PAK3: variants seen among roughly 807,000 people sequenced by gnomAD.
PAK3 encodes serine/threonine-protein kinase PAK 3.
Under a neutral mutation model 41.0 loss-of-function variants are expected in PAK3, and 4 were observed. The observed-to-expected ratio is 0.10, with a 90% CI of 0.05 to 0.22. The LOEUF (loss-of-function observed/expected upper bound fraction) is 0.22. Ranked by LOEUF, PAK3 falls within the 10% of genes least tolerant of loss-of-function variation. The probability of loss-of-function intolerance (pLI) is 1.00; values close to 1 mark genes in which losing one functional copy is unlikely to be tolerated. For synonymous variants in PAK3, 146 were observed against 139.6 expected (o/e 1.05, Z -0.32); for missense variants, 205 against 409.9 (o/e 0.50, Z 4.32).
chrX:110,973,627 C>A (rs928963493), intron 1 of PAK3, among the ~76,000 whole-genome samples: 15 of 111,981 alleles, frequency 1.3e-4, no homozygotes, highest in Non-Finnish European at 2.4e-4. Context: ...ATTGTAAAGA[C>A]CATCAATGCT....
At chrX:111,188,026 A>C (rs1341410010) in intron 11 of PAK3, among the ~76,000 whole-genome samples, 2 of 107,783 alleles carry the variant, frequency 1.9e-5, no homozygotes, top group Non-Finnish European at 3.8e-5. Flanking sequence ...GGGAGGAGAA[A>C]GGCTCATTTT....
intron 1 of PAK3, among the ~76,000 whole-genome samples, chrX:111,068,502 ATGTTGCTTAGGCTG>A (rs909242599): frequency 5.4e-5 from 6 of 111,902 alleles, no homozygotes; most frequent in Non-Finnish European, 1.1e-4. Flanking sequence ...GGTTTTTGCC[ATGTTGCTTAGGCTG>A]GTCTTGAACT....
intron 1 of PAK3, among the ~76,000 whole-genome samples, chrX:110,983,654 C>T (rs1464474942): frequency 9.0e-6 from 1 of 110,763 alleles, no homozygotes; most frequent in African/African-American, 3.3e-5. Context: ...GGTGAAGATA[C>T]GTATCAGGGA....
chrX:111,096,866 C>T (rs868204187), intron 1 of PAK3: 1 of 12,575 alleles, frequency 8.0e-5, no homozygotes, highest in African/African-American at 1.1e-4. Flanking sequence ...CCCCCCCGCC[C>T]CTTACACACA....
intron 11 of PAK3, among the ~76,000 whole-genome samples, chrX:111,185,215 A>G (rs1351063099): frequency 9.0e-6 from 1 of 111,659 alleles, no homozygotes; most frequent in Non-Finnish European, 1.9e-5. Context: ...GTGTCTGTTC[A>G]TATCCTTTGC....
intron 1 of PAK3, among the ~76,000 whole-genome samples, chrX:111,079,908 A>G (rs980847592): frequency 1.8e-5 from 2 of 112,255 alleles, no homozygotes; most frequent in East Asian, 5.6e-4. Flanking sequence ...AAGTCAGTGC[A>G]GATGTGGTAG....
chrX:111,135,760 T>C (rs2093780864), intron 5 of PAK3, among the ~76,000 whole-genome samples: 1 of 111,438 alleles, frequency 9.0e-6, no homozygotes, highest in Non-Finnish European at 1.9e-5. Flanking sequence ...AGGGGAGTCA[T>C]TACACTGGTT....
chrX:110,950,007 T>C (rs2090708014), intron 1 of PAK3, among the ~76,000 whole-genome samples: 1 of 111,044 alleles, frequency 9.0e-6, no homozygotes, highest in Non-Finnish European at 1.9e-5. Context: ...GCTCAGGGCT[T>C]TGGGTATTAG....
intron 1 of PAK3, among the ~76,000 whole-genome samples, chrX:110,953,294 T>C (rs753835082): frequency 9.2e-4 from 103 of 111,631 alleles, no homozygotes; most frequent in Non-Finnish European, 1.5e-3. Flanking sequence ...GGTTTTGTTA[T>C]TAATTAGTTG....
intron 1 of PAK3, among the ~76,000 whole-genome samples, chrX:111,096,912 G>C (rs868296531): frequency 2.7e-5 from 1 of 37,605 alleles, no homozygotes. Context: ...ACACACACAC[G>C]AGGAAAGAGA....
chrX:110,999,717 T>G (rs1192490204), intron 1 of PAK3, among the ~76,000 whole-genome samples: 2 of 108,146 alleles, frequency 1.8e-5, no homozygotes, highest in Non-Finnish European at 3.8e-5. Flanking sequence ...CTCATGTCTG[T>G]AATCCCAGCA....
At chrX:111,166,879 A>G (rs917610719) in intron 10 of PAK3, among the ~76,000 whole-genome samples, 4 of 111,568 alleles carry the variant, frequency 3.6e-5, no homozygotes, top group African/African-American at 9.8e-5. Context: ...AGATAATACA[A>G]TGGGTCAAGC....
At chrX:111,081,626 A>G (rs1250127447) in intron 1 of PAK3, among the ~76,000 whole-genome samples, 2 of 111,721 alleles carry the variant, frequency 1.8e-5, no homozygotes, top group Non-Finnish European at 3.8e-5. Flanking sequence ...AAAGATAAGC[A>G]TATGAGGTAA....
At position 111,224,682 on chromosome X, in the gene PAK3, T is replaced by C. The variant is rs2094944809; in HGVS notation, c.*4235T>C. 8.9e-6 allele frequency: 1 copy of C among 112,127 alleles called. No homozygotes were observed. The highest frequency in any genetic ancestry group is 3.2e-5 in the African/African-American group (1 of 30,871). 9.2% of individuals were successfully genotyped at this position (112,127 alleles called of 1,213,427 possible). On this transcript the variant is annotated 3_prime_UTR_variant, in exon 18 of 18. Coordinates refer to ENST00000372007, the MANE Select transcript of PAK3 (RefSeq NM_002578.5). ...CCTATTTATAGGTTGTTTGCAGTAGTTGTGATTTTTAAAGAGCAAGGGAGA... is the reference window on the plus strand; with the variant it reads ...CCTATTTATAGGTTGTTTGCAGTAGCTGTGATTTTTAAAGAGCAAGGGAGA...
At position 110,992,199 on chromosome X, in the gene PAK3, G is replaced by A. The variant is rs144200088; in HGVS notation, c.-28+47571G>A. Among the ~76,000 whole-genome samples the A allele has an allele frequency of 7.9e-3, 878 of 110,796 alleles. 6 individuals are homozygous for A. Among genetic ancestry groups the A allele is most frequent in the African/African-American group, 0.027 (812 of 30,434 alleles). On this transcript the variant is annotated intron_variant, in intron 1 of 14. Coordinates refer to the PAK3 transcript ENST00000425146. ...TGTAGGTATCTCAGGGAAGAGCATTGGGAGCAGAGAGAACAGGAAGAGCAA... is the reference window on the plus strand; with the variant it reads ...TGTAGGTATCTCAGGGAAGAGCATTAGGAGCAGAGAGAACAGGAAGAGCAA...
chrX:111,003,111 A>G (rs1001592675), intron 1 of PAK3, among the ~76,000 whole-genome samples: 1 of 110,921 alleles, frequency 9.0e-6, no homozygotes, highest in African/African-American at 3.4e-5. Flanking sequence ...ATCAATATGC[A>G]TGTGGAGCAT....
chrX:111,191,393 C>G (rs1360165169), intron 11 of PAK3, among the ~76,000 whole-genome samples: 3 of 111,701 alleles, frequency 2.7e-5, no homozygotes, highest in African/African-American at 9.8e-5. Flanking sequence ...GCCACTGCAC[C>G]AGGCCCAGAA....
At chrX:111,100,238 G>A (rs890489688) in intron 3 of PAK3, among the ~76,000 whole-genome samples, 1 of 111,053 alleles carries the variant, frequency 9.0e-6, no homozygotes, top group African/African-American at 3.3e-5. Context: ...GGTGAAGGAA[G>A]GGCCTGGCTT....
intron 16 of PAK3, among the ~76,000 whole-genome samples, chrX:111,203,567 C>T (rs1487024561): frequency 9.0e-6 from 1 of 111,636 alleles, no homozygotes; most frequent in African/African-American, 3.3e-5. Context: ...CTTATCTACA[C>T]TAGTAGGCTT....
Sources: allele counts gnomAD v4.1 joint callset (sites outside exome capture counted in the v4.1 genomes callset), GRCh38; gene constraint gnomAD v4.1.1; transcripts MANE v1.5; gene names NCBI Gene and HGNC (gene_info 2026-07-23, HGNC 2026-07-21).